Variants in FGF12 observed in about 807,000 individuals in gnomAD.
The protein encoded by FGF12 is fibroblast growth factor 12B.
In FGF12, 14 loss-of-function variants were observed where a neutral mutation model predicts 23.6. The observed-to-expected ratio is 0.59, with a 90% CI of 0.39 to 0.93. The LOEUF (loss-of-function observed/expected upper bound fraction) is 0.93, where lower values mean the gene tolerates loss of function less well. FGF12 is among the 40% of genes least tolerant of loss of function. FGF12 has a pLI of 0.00. For synonymous variants in FGF12, 62 were observed against 77.3 expected (o/e 0.80, Z 1.04); for missense variants, 175 against 217.8 (o/e 0.80, Z 1.24).
intron 2 of FGF12, among the ~76,000 whole-genome samples, chr3:192,476,664 A>T (rs970402297): frequency 6.6e-6 from 1 of 152,234 alleles, no homozygotes; most frequent in African/African-American, 2.4e-5. Flanking sequence ...GAGAACAAAG[A>T]AGCAAAATGG....
At chr3:192,216,235 A>G (rs2108686493) in intron 4 of FGF12, among the ~76,000 whole-genome samples, 1 of 152,338 alleles carries the variant, frequency 6.6e-6, no homozygotes, top group South Asian at 2.1e-4. Context: ...CTCCTCGCAC[A>G]AAGAAGTATT....
At chr3:192,308,103 GA>G (rs911581372) in intron 4 of FGF12, among the ~76,000 whole-genome samples, 22 of 151,904 alleles carry the variant, frequency 1.4e-4, no homozygotes, top group African/African-American at 5.1e-4. Context: ...TAATACTAAT[GA>G]AAAAAATCAC....
intron 4 of FGF12, among the ~76,000 whole-genome samples, chr3:192,200,704 C>T (rs1717323054): frequency 6.6e-6 from 1 of 152,152 alleles, no homozygotes; most frequent in Non-Finnish European, 1.5e-5. Flanking sequence ...CATACTTGTC[C>T]TCTCATGGTC....
chr3:192,391,655 C>A (rs914866954), intron 2 of FGF12, among the ~76,000 whole-genome samples: 1 of 152,154 alleles, frequency 6.6e-6, no homozygotes, highest in Non-Finnish European at 1.5e-5. Flanking sequence ...AACAAATCTC[C>A]TATATGAAAT....
intron 4 of FGF12, among the ~76,000 whole-genome samples, chr3:192,176,623 T>C (rs1353883578): frequency 6.6e-6 from 1 of 152,236 alleles, no homozygotes; most frequent in Non-Finnish European, 1.5e-5. Context: ...TCTTTTTCTA[T>C]TACATTAAAC....
intron 2 of FGF12, among the ~76,000 whole-genome samples, chr3:192,666,794 A>C (rs74758959): frequency 0.022 from 3,414 of 152,258 alleles, 137 homozygotes; most frequent in African/African-American, 0.079. Context: ...TCTCACCAAT[A>C]CTGTAATTTT....
At chr3:192,429,283 G>A (rs1721781221) in intron 2 of FGF12, among the ~76,000 whole-genome samples, 1 of 152,012 alleles carries the variant, frequency 6.6e-6, no homozygotes, top group Non-Finnish European at 1.5e-5. Flanking sequence ...CTTAAAGACT[G>A]GCTTGTGAAG....
At chr3:192,509,296 G>A (rs1030142382) in intron 2 of FGF12, among the ~76,000 whole-genome samples, 1 of 152,188 alleles carries the variant, frequency 6.6e-6, no homozygotes, top group Non-Finnish European at 1.5e-5. Context: ...AGCCAGATGG[G>A]AGCATTGAGC....
At chr3:192,285,750 A>C (rs1714412500) in intron 4 of FGF12, among the ~76,000 whole-genome samples, 1 of 152,078 alleles carries the variant, frequency 6.6e-6, no homozygotes, top group African/African-American at 2.4e-5. Flanking sequence ...TAGTAATTAA[A>C]ACTTCTTGCA....
intron 2 of FGF12, among the ~76,000 whole-genome samples, chr3:192,653,962 T>C (rs1244854760): frequency 5.3e-5 from 8 of 152,116 alleles, no homozygotes; most frequent in African/African-American, 1.9e-4. Context: ...CTGACCTCAG[T>C]TGATCTACCT....
chr3:192,435,442 T>G (rs1352906291), intron 2 of FGF12, among the ~76,000 whole-genome samples: 1 of 152,212 alleles, frequency 6.6e-6, no homozygotes, highest in Non-Finnish European at 1.5e-5. Flanking sequence ...CTCCCAGGAC[T>G]GCTCACTGTG....
At chr3:192,701,353 C>T (rs1416583012) in intron 2 of FGF12, among the ~76,000 whole-genome samples, 1 of 152,156 alleles carries the variant, frequency 6.6e-6, no homozygotes, top group Non-Finnish European at 1.5e-5. Context: ...GTAGCCCGAC[C>T]ACTCTGGGCA....
intron 2 of FGF12, among the ~76,000 whole-genome samples, chr3:192,529,664 T>C (rs1380069724): frequency 6.6e-6 from 1 of 152,196 alleles, no homozygotes; most frequent in East Asian, 1.9e-4. Flanking sequence ...AATGGACTTA[T>C]GGTTCCACCT....
chr3:192,639,771 A>T (rs967163918), intron 2 of FGF12, among the ~76,000 whole-genome samples: 2 of 151,900 alleles, frequency 1.3e-5, no homozygotes, highest in African/African-American at 4.8e-5. Flanking sequence ...ATTACAAGTA[A>T]TGTAGATCTT....
intron 2 of FGF12, among the ~76,000 whole-genome samples, chr3:192,380,154 TAATTA>T (rs1719755617): frequency 6.6e-6 from 1 of 152,218 alleles, no homozygotes; most frequent in African/African-American, 2.4e-5. Flanking sequence ...TATCCACTAA[TAATTA>T]AATAGATGAT....
chr3:192,451,386 G>A lies in FGF12; in HGVS notation c.14-90848C>T, dbSNP rs116626954. On this transcript the variant is annotated intron_variant, in intron 2 of 5. Coordinates refer to ENST00000445105, the MANE Select transcript of FGF12 (RefSeq NM_004113.6). The stretch of plus-strand genomic sequence containing the variant: ...AACTGTGAGAATTACCAGTCTGACA[G>A]CATAAAATACATTGTTCTTGACAAC... Among the ~76,000 whole-genome samples the A allele has an allele frequency of 3.8e-3, 574 of 152,284 alleles. 3 individuals carry two copies. Among genetic ancestry groups the A allele is most frequent in the African/African-American group, 0.013 (559 of 41,566 alleles).
chr3:192,261,665 A>G (rs1712762020), intron 4 of FGF12, among the ~76,000 whole-genome samples: 7 of 152,206 alleles, frequency 4.6e-5, no homozygotes, highest in Admixed American at 3.3e-4. Context: ...GAGAGAGAAA[A>G]GGAAATCTTT....
intron 5 of FGF12, among the ~76,000 whole-genome samples, chr3:192,163,643 T>C (rs78994967): frequency 0.066 from 10,040 of 152,170 alleles, 402 homozygotes; most frequent in African/African-American, 0.096. Flanking sequence ...GTTTCAAACA[T>C]CAGATCACTT....
intron 3 of FGF12, among the ~76,000 whole-genome samples, chr3:192,357,476 A>C (rs1718525230): frequency 6.6e-6 from 1 of 151,826 alleles, no homozygotes; most frequent in Non-Finnish European, 1.5e-5. Context: ...GTGAGACTCC[A>C]TCTCAAAAAG....
Sources: allele counts gnomAD v4.1 joint callset (sites outside exome capture counted in the v4.1 genomes callset), GRCh38; gene constraint gnomAD v4.1.1; transcripts MANE v1.5; gene names NCBI Gene and HGNC (gene_info 2026-07-23, HGNC 2026-07-21).